SMYD3: variants seen among roughly 807,000 people sequenced by gnomAD.
SMYD3 encodes the protein SET and MYND domain containing 3, also known as histone-lysine N-methyltransferase SMYD3.
In SMYD3, 36 loss-of-function variants were observed where a neutral mutation model predicts 57.7. The observed-to-expected ratio is 0.62, with a 90% CI of 0.48 to 0.82. SMYD3 has a LOEUF of 0.82. Ranked by LOEUF, SMYD3 falls within the 40% of genes least tolerant of loss-of-function variation. The probability of loss-of-function intolerance (pLI) is 0.00; values close to 1 mark genes in which losing one functional copy is unlikely to be tolerated. For synonymous variants in SMYD3, 211 were observed against 195.0 expected (o/e 1.08, Z -0.68); for missense variants, 515 against 538.8 (o/e 0.96, Z 0.44).
At chr1:246,358,591 A>T (rs1048807329) in intron 1 of SMYD3, among the ~76,000 whole-genome samples, 4 of 152,224 alleles carry the variant, frequency 2.6e-5, no homozygotes, top group African/African-American at 9.7e-5. Context: ...TAAATTTAAG[A>T]AAATCGAAAT....
At chr1:245,793,243 A>C (rs1456113360) in intron 10 of SMYD3, among the ~76,000 whole-genome samples, 2 of 151,790 alleles carry the variant, frequency 1.3e-5, no homozygotes, top group Non-Finnish European at 2.9e-5. Context: ...CAGGAGACGG[A>C]GCTTGAAGTG....
chr1:246,149,506 A>G lies in SMYD3; in HGVS notation c.531+177695T>C, dbSNP rs114097856. On this transcript the variant is annotated intron_variant, in intron 5 of 11. Transcript: ENST00000490107. Reference sequence around the variant, plus strand: ...AGTGATAATTTTTTTTCCTTTCAAAAGGAAAATTTTAACTACCTTCACCAA... The same window carrying G: ...AGTGATAATTTTTTTTCCTTTCAAAGGGAAAATTTTAACTACCTTCACCAA... Among the ~76,000 whole-genome samples the G allele has an allele frequency of 1.8e-3, 277 of 152,348 alleles. 3 individuals are homozygous for G. The highest frequency in any genetic ancestry group is 6.3e-3 in the African/African-American group (264 of 41,580).
chr1:246,062,835 A>T (rs1171405263), intron 5 of SMYD3, among the ~76,000 whole-genome samples: 1 of 152,188 alleles, frequency 6.6e-6, no homozygotes, highest in Non-Finnish European at 1.5e-5. Flanking sequence ...TGTTGAAAAA[A>T]ATTAGATTTT....
intron 10 of SMYD3, among the ~76,000 whole-genome samples, chr1:245,814,683 G>A (rs193067905): frequency 1.3e-5 from 2 of 152,232 alleles, no homozygotes; most frequent in East Asian, 3.9e-4. Context: ...TGCCGGCTCT[G>A]CTAAGAGCTC....
intron 5 of SMYD3, among the ~76,000 whole-genome samples, chr1:246,043,575 C>G (rs1319829422): frequency 2.6e-5 from 4 of 152,178 alleles, no homozygotes; most frequent in Admixed American, 1.3e-4. Context: ...AACAAATAAA[C>G]ACACACGTTC....
chr1:246,249,470 T>C lies in SMYD3; in HGVS notation c.531+77731A>G, dbSNP rs113029673. ...AAATATGGAAACTATTAAACAATTA[T>C]TTCAGGTTTTAATTCACAAAAATGC... On this transcript the variant is annotated intron_variant, in intron 5 of 11. Coordinates refer to ENST00000490107, the MANE Select transcript of SMYD3 (RefSeq NM_001167740.2). Among the ~76,000 whole-genome samples, 1,107 of 152,232 alleles carry C rather than the reference T, an allele frequency of 7.3e-3. 15 individuals carry two copies. The highest frequency in any genetic ancestry group is 0.025 in the African/African-American group (1,020 of 41,536).
At chr1:246,338,026 G>C (rs1387560051) in intron 2 of SMYD3, among the ~76,000 whole-genome samples, 1 of 152,052 alleles carries the variant, frequency 6.6e-6, no homozygotes, top group Non-Finnish European at 1.5e-5. Context: ...CTTATTCCTA[G>C]ATCATTGCCT....
At chr1:246,236,367 T>C (rs989666108) in intron 5 of SMYD3, among the ~76,000 whole-genome samples, 1 of 151,906 alleles carries the variant, frequency 6.6e-6, no homozygotes, top group Non-Finnish European at 1.5e-5. Context: ...GTAGCTGGGA[T>C]TATAGACACA....
At position 245,880,486 on chromosome 1, in the gene SMYD3, C is replaced by T. The variant is rs118142047; in HGVS notation, c.814-16600G>A. Among the ~76,000 whole-genome samples, 235 of 152,234 alleles carry T rather than the reference C, an allele frequency of 1.5e-3. 5 individuals are homozygous for T. In the East Asian group the frequency reaches 0.036, roughly 23 times the overall value. On this transcript the variant is annotated intron_variant, in intron 8 of 11. Coordinates refer to ENST00000490107, the MANE Select transcript of SMYD3 (RefSeq NM_001167740.2). Reference sequence around the variant, plus strand: ...GATATAGGTGAGTTTCAGAGATGGCCAACTGCAGGCCAAATAACAACAACA... The same window carrying T: ...GATATAGGTGAGTTTCAGAGATGGCTAACTGCAGGCCAAATAACAACAACA...
In SMYD3 at chr1:246,156,968, T is replaced by C. The variant is rs2062031623; in HGVS notation, c.531+170233A>G. On this transcript the variant is annotated intron_variant, in intron 5 of 11. Transcript: ENST00000490107. ...GATAAACAATCCAACGTAGGCACCA[T>C]TCACAAAGAAAGGGATGCTAGGAGG... Among the ~76,000 whole-genome samples, 8 of 152,256 alleles carry C rather than the reference T, an allele frequency of 5.3e-5. No homozygotes were observed. The South Asian group carries it at 1.7e-3, about 32-fold the overall frequency.
chr1:246,112,308 C>T lies in SMYD3; in HGVS notation c.532-182371G>A, dbSNP rs539537281. Among the ~76,000 whole-genome samples, 6 of 152,112 alleles carry T rather than the reference C, an allele frequency of 3.9e-5. 1 individual carries two copies. Among genetic ancestry groups the T allele is most frequent in the African/African-American group, 1.4e-4 (6 of 41,504 alleles). ...AAGCTGTCAAAATTTGAGCTGTCTC[C>T]CATAGGATTTCCACTGACAGTTAAT... On this transcript the variant is annotated intron_variant, in intron 5 of 11. Coordinates refer to ENST00000490107, the MANE Select transcript of SMYD3 (RefSeq NM_001167740.2).
chr1:245,817,681 C>T (rs1336151086), intron 10 of SMYD3, among the ~76,000 whole-genome samples: 4 of 151,568 alleles, frequency 2.6e-5, no homozygotes, highest in African/African-American at 4.8e-5. Flanking sequence ...ACTAGAATAA[C>T]CAATACAGAG....
chr1:246,032,442 G>A (rs2059694720), intron 5 of SMYD3, among the ~76,000 whole-genome samples: 2 of 152,148 alleles, frequency 1.3e-5, no homozygotes, highest in African/African-American at 2.4e-5. Flanking sequence ...TACCAGCCAT[G>A]AGCTGCCTGC....
chr1:246,506,991 C>CCCCCCCCCCCCCCCCCCCCCCCCA, intron 1 of SMYD3, 63 bp downstream of exon 1: 1 of 815,386 alleles, frequency 1.2e-6, no homozygotes, highest in Non-Finnish European at 1.7e-6. Context: ...CGCCCGACGC[C>CCCCCCCCCCCCCCCCCCCCCCCCA]CCCCCCTCCC....
At chr1:245,961,902 G>T (rs2058020517) in intron 5 of SMYD3, among the ~76,000 whole-genome samples, 2 of 152,196 alleles carry the variant, frequency 1.3e-5, no homozygotes, top group African/African-American at 4.8e-5. Flanking sequence ...CCGGATAAAA[G>T]TTTTTTGACT....
intron 5 of SMYD3, among the ~76,000 whole-genome samples, chr1:246,132,459 T>C (rs912940862): frequency 6.6e-6 from 1 of 152,068 alleles, no homozygotes; most frequent in Non-Finnish European, 1.5e-5. Context: ...TGCAAAAGAA[T>C]GAAGTTGGAT....
chr1:245,963,292 T>C (rs189317743), intron 5 of SMYD3, among the ~76,000 whole-genome samples: 7 of 152,248 alleles, frequency 4.6e-5, no homozygotes, highest in African/African-American at 1.4e-4. Flanking sequence ...AAAAAAAAAT[T>C]CTTAGATCTG....
At chr1:246,033,517 G>A (rs2059715893) in intron 5 of SMYD3, among the ~76,000 whole-genome samples, 1 of 152,174 alleles carries the variant, frequency 6.6e-6, no homozygotes, top group South Asian at 2.1e-4. Flanking sequence ...GCCGGGTGCT[G>A]GCTCACACCT....
In SMYD3 at chr1:246,259,978, T is replaced by C. The variant is rs982561155; in HGVS notation, c.531+67223A>G. ...TGCCTAGGTGTGTAGTATAGTGGGC[T>C]CCCCCTGAACCAAGATCTCTGCATA... On this transcript the variant is annotated intron_variant, in intron 5 of 11. Transcript: ENST00000490107. Among the ~76,000 whole-genome samples the C allele has an allele frequency of 2.6e-5, 4 of 152,010 alleles. No individual in the cohort carries two copies. The East Asian group carries it at 7.7e-4, about 29-fold the overall frequency.
Sources: allele counts gnomAD v4.1 joint callset (sites outside exome capture counted in the v4.1 genomes callset), GRCh38; gene constraint gnomAD v4.1.1; transcripts MANE v1.5; gene names NCBI Gene and HGNC (gene_info 2026-07-23, HGNC 2026-07-21).